Variants in ARMC3 observed in about 807,000 individuals in gnomAD.
The protein encoded by ARMC3 is armadillo repeat-containing protein 3.
A neutral mutation model predicts 90.3 loss-of-function variants in ARMC3; 74 were observed. The ratio of observed to expected loss-of-function variants is 0.82; its 90% CI spans 0.68 to 0.99. ARMC3 has a LOEUF of 0.99. Ranked by LOEUF, ARMC3 falls within the 50% of genes least tolerant of loss-of-function variation. The pLI, the probability that ARMC3 is intolerant of heterozygous loss-of-function variation, is 0.00. For synonymous variants in ARMC3, 334 were observed against 361.8 expected (o/e 0.92, Z 0.87); for missense variants, 958 against 1,042.8 (o/e 0.92, Z 1.12).
In ARMC3 at chr10:22,929,565, G is replaced by C. The variant is rs544587846; in HGVS notation, c.-2+1459G>C. On this transcript the variant is annotated intron_variant, in intron 1 of 18. Transcript: ENST00000298032. ...AAACACATAGGCTTTTTTTGGGGGA[G>C]GAGACAGAGTCTCGCTCTGTCACCC... is the stretch of plus-strand genomic sequence containing the variant. Among the ~76,000 whole-genome samples, 6 of 151,828 alleles carry C rather than the reference G, an allele frequency of 4.0e-5. No homozygotes were observed. The South Asian group carries it at 1.3e-3, about 32-fold the overall frequency.
chr10:23,002,228 G>T (rs147058180), intron 12 of ARMC3, among the ~76,000 whole-genome samples, 173 bp downstream of exon 12: 1 of 152,216 alleles, frequency 6.6e-6, no homozygotes, highest in Non-Finnish European at 1.5e-5. Flanking sequence ...TGGAGGCAAG[G>T]GGGTCCCGAT....
rs548177880 is a variant in ARMC3, at chr10:22,998,512, C to A, written c.1425+115C>A. On this transcript the variant is annotated intron_variant, in intron 11 of 18. Coordinates refer to ENST00000298032, the MANE Select transcript of ARMC3 (RefSeq NM_173081.5). Reference sequence around the variant, plus strand: ...ACCTGTCATTTAAGTCCTTCAAAACCGGTAAAACAGTGGAAAACGAATTGG... The same window carrying A: ...ACCTGTCATTTAAGTCCTTCAAAACAGGTAAAACAGTGGAAAACGAATTGG... The A allele has an allele frequency of 5.9e-5, 80 of 1,359,868 alleles. No individual in the cohort carries two copies. In the South Asian group the frequency reaches 1.0e-3, roughly 18 times the overall value. The allele number at this position is 1,359,868 out of a possible 1,614,324, so 84.2% of individuals were successfully genotyped here.
chr10:22,940,491 T>G (rs982669688), intron 2 of ARMC3, among the ~76,000 whole-genome samples: 1 of 152,184 alleles, frequency 6.6e-6, no homozygotes, highest in Non-Finnish European at 1.5e-5. Flanking sequence ...TAAATTGTAT[T>G]TTTTTCTTTT....
At chr10:22,993,122 C>T (rs1483960685) in intron 10 of ARMC3, among the ~76,000 whole-genome samples, 1 of 152,194 alleles carries the variant, frequency 6.6e-6, no homozygotes, top group East Asian at 1.9e-4. Flanking sequence ...CTCTGTTAAA[C>T]AGATTTCTGT....
intron 1 of ARMC3, among the ~76,000 whole-genome samples, chr10:22,930,187 G>T (rs2131106644): frequency 6.6e-6 from 1 of 151,766 alleles, no homozygotes; most frequent in South Asian, 2.1e-4. Context: ...GCCCAGAATA[G>T]TTTCTGCCTC....
rs117747780 is a variant in ARMC3 at position 22,971,157 on chromosome 10, T to G, written c.916+2668T>G. Among the ~76,000 whole-genome samples the G allele has an allele frequency of 4.4e-3, 669 of 152,296 alleles. 1 individual carries two copies. Among genetic ancestry groups the G allele is most frequent in the Non-Finnish European group, 5.0e-3 (337 of 68,030 alleles). On this transcript the variant is annotated intron_variant, in intron 8 of 18. Coordinates refer to ENST00000298032, the MANE Select transcript of ARMC3 (RefSeq NM_173081.5). ...CATACAGCATTTGTCCTTTTGCAAA[T>G]GCATAGCACTTGGCACGATGTCCTT...
intron 13 of ARMC3, chr10:23,006,647 C>T (rs1404619444): frequency 1.4e-5 from 6 of 428,418 alleles, no homozygotes; most frequent in Middle Eastern, 6.8e-4. Flanking sequence ...TGGGATGAAA[C>T]AGCCGAGTGT....
At chr10:22,952,362 G>A (rs1305880850) in intron 3 of ARMC3, among the ~76,000 whole-genome samples, 1 of 152,088 alleles carries the variant, frequency 6.6e-6, no homozygotes, top group Non-Finnish European at 1.5e-5. Flanking sequence ...GACATCACTA[G>A]AGATCCTACA....
chr10:22,948,578 A>C (rs1210955848), intron 3 of ARMC3, among the ~76,000 whole-genome samples: 1 of 152,172 alleles, frequency 6.6e-6, no homozygotes. Flanking sequence ...GGAAACAATG[A>C]AGAAAATAAA....
chr10:22,946,271 T>A lies in ARMC3; in HGVS notation c.166+10T>A. ...AAATTTGCTTTAAAAGGTTTGGATT[T>A]TTTTCAGTTTATCTTTCTGTTTCAT... On this transcript the variant is annotated intron_variant, in intron 3 of 18. Coordinates refer to ENST00000298032, the MANE Select transcript of ARMC3 (RefSeq NM_173081.5). 6.5e-7 allele frequency: 1 copy of A among 1,536,588 alleles called. No homozygotes were observed. The highest frequency in any genetic ancestry group is 9.0e-7 in the Non-Finnish European group (1 of 1,114,992).
At chr10:22,976,633 C>T (rs1835934704) in intron 8 of ARMC3, among the ~76,000 whole-genome samples, 1 of 152,190 alleles carries the variant, frequency 6.6e-6, no homozygotes, top group Non-Finnish European at 1.5e-5. Flanking sequence ...TCTCCCTGAG[C>T]ACTCTTACTT....
At chr10:23,035,937 C>A (rs1004397781) in intron 18 of ARMC3, among the ~76,000 whole-genome samples, 3 of 152,166 alleles carry the variant, frequency 2.0e-5, no homozygotes, top group African/African-American at 7.2e-5. Context: ...ATGGGAATTC[C>A]TTCACCTCAG....
In ARMC3 at chr10:23,037,609, C is replaced by T. The variant is rs554359046; in HGVS notation, c.*130C>T. ...AAAAGTATTAGAAATGTTTTCTCTGCGTAGAAATTAGGAAGCTTGGAGTGA... is the reference window on the plus strand; with the variant it reads ...AAAAGTATTAGAAATGTTTTCTCTGTGTAGAAATTAGGAAGCTTGGAGTGA... On this transcript the variant is annotated 3_prime_UTR_variant, in exon 19 of 19. Transcript: ENST00000298032. 11 of 890,600 alleles carry T rather than the reference C, an allele frequency of 1.2e-5. No individual in the cohort carries two copies. The highest frequency in any genetic ancestry group is 5.9e-5 in the South Asian group (2 of 33,702). The allele number at this position is 890,600 out of a possible 1,614,324, so 55.2% of individuals were successfully genotyped here. A position where few individuals can be genotyped will look rare whatever the true frequency, so the allele number is the denominator to read the frequency against.
chr10:22,997,693 A>G (rs1398163041), intron 10 of ARMC3, among the ~76,000 whole-genome samples: 3 of 152,178 alleles, frequency 2.0e-5, no homozygotes, highest in Non-Finnish European at 4.4e-5. Flanking sequence ...CTACTATTTA[A>G]GGCTTTTGTT....
intron 8 of ARMC3, among the ~76,000 whole-genome samples, chr10:22,971,625 G>A (rs540188235): frequency 6.6e-6 from 1 of 151,880 alleles, no homozygotes; most frequent in South Asian, 2.1e-4. Flanking sequence ...ATTTGTAGTA[G>A]AGACATGATT....
intron 4 of ARMC3, among the ~76,000 whole-genome samples, chr10:22,956,517 C>T (rs2131237061): frequency 1.3e-5 from 2 of 151,902 alleles, no homozygotes; most frequent in South Asian, 4.2e-4. Flanking sequence ...GCAGGAGAAT[C>T]GCTTGAACTC....
chr10:23,002,478 T>C (rs1484009372), intron 12 of ARMC3, among the ~76,000 whole-genome samples: 1 of 152,190 alleles, frequency 6.6e-6, no homozygotes, highest in Non-Finnish European at 1.5e-5. Flanking sequence ...ATCAGTTCTG[T>C]TGACCAAAAG....
chr10:22,939,668 T>G lies in ARMC3; in HGVS notation c.49-6476T>G, dbSNP rs1385844279. On this transcript the variant is annotated intron_variant, in intron 2 of 18. Transcript: ENST00000298032. ...AAATTCAATATCCTTTAAGGAACAC[T>G]TCTCCTCCCCCAGCCCCCAAAAGAA... Among the ~76,000 whole-genome samples the G allele has an allele frequency of 2.0e-5, 3 of 152,138 alleles. No homozygotes were observed. The East Asian group carries it at 5.8e-4, about 29-fold the overall frequency.
chr10:22,978,362 G>T (rs1030404953), intron 8 of ARMC3, among the ~76,000 whole-genome samples: 1 of 152,196 alleles, frequency 6.6e-6, no homozygotes, highest in African/African-American at 2.4e-5. Context: ...CAGCAAAGGG[G>T]AGAAGCCCCT....
Sources: gnomAD v4.1 joint callset for allele counts (sites outside exome capture counted in the v4.1 genomes callset) on GRCh38, gnomAD v4.1.1 for gene constraint, MANE v1.5 for transcripts, NCBI Gene and HGNC (gene_info 2026-07-23, HGNC 2026-07-21) for gene names.